Variants in SEMA6D observed in about 807,000 individuals in gnomAD.
SEMA6D encodes the protein semaphorin-6D.
SEMA6D carries 35 observed loss-of-function variants against 106.6 expected under a neutral mutation model. The ratio of observed to expected loss-of-function variants is 0.33; its 90% CI spans 0.25 to 0.44. The LOEUF is 0.44. SEMA6D is among the 20% of genes least tolerant of loss of function. The pLI, the probability that SEMA6D is intolerant of heterozygous loss-of-function variation, is 1.00. For missense variants in SEMA6D, 1,185 were observed against 1,345.9 expected, an observed-to-expected ratio of 0.88 and a Z score of 1.87; for synonymous variants, 499 against 487.7, an observed-to-expected ratio of 1.02 and a Z score of -0.31.
chr15:47,390,690 C>T (rs1193803075), intron 1 of SEMA6D, among the ~76,000 whole-genome samples: 1 of 152,180 alleles, frequency 6.6e-6, no homozygotes, highest in Non-Finnish European at 1.5e-5. Flanking sequence ...CTAATTTTAA[C>T]TTAAATATCG....
chr15:47,726,658 ATGG>A (rs2079774271), intron 1 of SEMA6D, among the ~76,000 whole-genome samples: 1 of 152,224 alleles, frequency 6.6e-6, no homozygotes, highest in Non-Finnish European at 1.5e-5. Flanking sequence ...AAGGTGGATG[ATGG>A]TGGTAATACC....
intron 3 of SEMA6D, among the ~76,000 whole-genome samples, chr15:47,581,184 G>A (rs921146458): frequency 6.6e-6 from 1 of 152,116 alleles, no homozygotes; most frequent in East Asian, 1.9e-4. Context: ...ATAAAACTGT[G>A]CTATTATTTT....
At chr15:47,199,601 C>G (rs1894584705) in intron 1 of SEMA6D, among the ~76,000 whole-genome samples, 1 of 151,978 alleles carries the variant, frequency 6.6e-6, no homozygotes, top group Non-Finnish European at 1.5e-5. Context: ...TGATGTAGTC[C>G]CATTGTGAAA....
At chr15:47,764,552 C>A in intron 11 of SEMA6D, 86 bp from the exon 12 acceptor site, 2 of 1,553,306 alleles carry the variant, frequency 1.3e-6, no homozygotes, top group Non-Finnish European at 1.7e-6. Context: ...GACCTCTTCT[C>A]TGAGAATATA....
At chr15:47,413,652 T>TA (rs1013192414) in intron 2 of SEMA6D, among the ~76,000 whole-genome samples, 10 of 151,448 alleles carry the variant, frequency 6.6e-5, no homozygotes, top group South Asian at 2.1e-4. Flanking sequence ...CCTTCCTAAT[T>TA]AAAAAAAAAT....
intron 1 of SEMA6D, among the ~76,000 whole-genome samples, chr15:47,259,710 T>C (rs2033979781): frequency 6.6e-6 from 1 of 152,210 alleles, no homozygotes; most frequent in Admixed American, 6.5e-5. Context: ...AATCTGTACA[T>C]TGGGTTTTTT....
chr15:47,318,432 A>G (rs1298189189), intron 1 of SEMA6D, among the ~76,000 whole-genome samples: 1 of 105,324 alleles, frequency 9.5e-6, no homozygotes, highest in Non-Finnish European at 1.9e-5. Flanking sequence ...CCCACCCCAC[A>G]ACAGTCCCCA....
chr15:47,226,624 T>G (rs796755153), intron 1 of SEMA6D, among the ~76,000 whole-genome samples: 37 of 152,216 alleles, frequency 2.4e-4, no homozygotes, highest in African/African-American at 8.7e-4. Context: ...CAAGAAGAGT[T>G]TCTGTATAGA....
chr15:47,565,711 A>C (rs1470896183), intron 3 of SEMA6D, among the ~76,000 whole-genome samples: 1 of 152,218 alleles, frequency 6.6e-6, no homozygotes, highest in Non-Finnish European at 1.5e-5. Flanking sequence ...TGTAGTACAT[A>C]ACATATTGTC....
Position 47,760,425 on chromosome 15 carries a change from C to T in SEMA6D, c.221+10C>T, listed in dbSNP as rs773389474. On this transcript the variant is annotated intron_variant, in intron 3 of 18. Coordinates refer to ENST00000536845, the MANE Select transcript of SEMA6D (RefSeq NM_001358351.3). ...TTTATATTGCTGGCAGGTAATTTTC[C>T]TCTCATTGGTTTATTAGATTAAAAT... 1.9e-6 allele frequency: 3 copies of T among 1,596,650 alleles called. No individual in the cohort carries two copies. Among genetic ancestry groups the T allele is most frequent in the African/African-American group, 1.3e-5 (1 of 74,488 alleles).
intron 2 of SEMA6D, among the ~76,000 whole-genome samples, chr15:47,427,562 CA>C (rs1426994836): frequency 2.0e-5 from 3 of 151,854 alleles, no homozygotes; most frequent in African/African-American, 7.3e-5. Flanking sequence ...GAATTTATTT[CA>C]AAAAAGAAAT....
chr15:47,209,184 G>A (rs1434178285), intron 1 of SEMA6D, among the ~76,000 whole-genome samples: 1 of 152,080 alleles, frequency 6.6e-6, no homozygotes, highest in Non-Finnish European at 1.5e-5. Context: ...TAAAATATTA[G>A]TACATGGGGA....
intron 4 of SEMA6D, among the ~76,000 whole-genome samples, chr15:47,615,257 G>A (rs943756985): frequency 6.6e-6 from 1 of 152,128 alleles, no homozygotes; most frequent in African/African-American, 2.4e-5. Context: ...ATTGTATTAG[G>A]CATTAGAAGT....
upstream of SEMA6D, among the ~76,000 whole-genome samples, chr15:47,713,797 A>C (rs149811848): frequency 6.6e-6 from 1 of 152,342 alleles, no homozygotes; most frequent in Non-Finnish European, 1.5e-5. Flanking sequence ...TAGATAAGAA[A>C]ATGAAGGAGA....
At chr15:47,518,917 A>G (rs1306523373) in intron 3 of SEMA6D, among the ~76,000 whole-genome samples, 1 of 152,040 alleles carries the variant, frequency 6.6e-6, no homozygotes, top group East Asian at 1.9e-4. Context: ...AGGTAGAAGG[A>G]GTACACTCTA....
intron 1 of SEMA6D, among the ~76,000 whole-genome samples, chr15:47,311,995 G>A (rs1449027508): frequency 2.0e-5 from 3 of 152,138 alleles, no homozygotes; most frequent in Non-Finnish European, 4.4e-5. Flanking sequence ...CACCTTACTG[G>A]TATTAGCTAG....
chr15:47,404,922 T>A (rs2040511068), intron 1 of SEMA6D, among the ~76,000 whole-genome samples: 1 of 152,116 alleles, frequency 6.6e-6, no homozygotes, highest in Non-Finnish European at 1.5e-5. Context: ...AGAATTCTAG[T>A]GGAGAGTGCT....
At chr15:47,622,387 T>C (rs2077122542) in intron 4 of SEMA6D, among the ~76,000 whole-genome samples, 1 of 152,134 alleles carries the variant, frequency 6.6e-6, no homozygotes, top group African/African-American at 2.4e-5. Flanking sequence ...CTCCTCAGCA[T>C]GGAACCGGAG....
At chr15:47,692,521 A>G (rs2078610604) in intron 4 of SEMA6D, among the ~76,000 whole-genome samples, 1 of 152,196 alleles carries the variant, frequency 6.6e-6, no homozygotes, top group Non-Finnish European at 1.5e-5. Context: ...CCTTCAGCCC[A>G]GAGTGAAGCT....
Sources: gnomAD v4.1 joint callset for allele counts (sites outside exome capture counted in the v4.1 genomes callset) on GRCh38, gnomAD v4.1.1 for gene constraint, MANE v1.5 for transcripts, NCBI Gene and HGNC (gene_info 2026-07-23, HGNC 2026-07-21) for gene names.